Variants in ZNF791 observed in about 807,000 individuals in gnomAD.
ZNF791 encodes the protein zinc finger protein 791.
ZNF791 carries 4 observed loss-of-function variants against 11.5 expected under a neutral mutation model. The observed-to-expected ratio is 0.35, with a 90% CI of 0.17 to 0.80. The LOEUF is 0.80. Among genes scored for constraint, ZNF791 ranks in the 30% least tolerant of loss-of-function variants. ZNF791 has a pLI of 0.53. For missense variants in ZNF791, 559 were observed against 699.4 expected, an observed-to-expected ratio of 0.80 and a Z score of 2.26; for synonymous variants, 212 against 228.1, an observed-to-expected ratio of 0.93 and a Z score of 0.64.
chr19:12,623,624 TG>T, intron 1 of ZNF791, 75 bp from the exon 2 acceptor site: 2 of 1,594,108 alleles, frequency 1.3e-6, no homozygotes, highest in South Asian at 2.3e-5. Flanking sequence ...AAATCGTGTG[TG>T]AATTTCTTAT....
rs748499496 is a variant in ZNF791, at chr19:12,628,847, T to C, written c.1318T>C (p.Tyr440His). The change falls in exon 4 of 4, where the codon TAT (tyrosine) becomes CAT (histidine). Residue 440 changes from tyrosine (Y) to histidine (H), a missense_variant. By Grantham distance (83) the Tyr-to-His change is moderately conservative. Transcript: ENST00000343325. ...HMITHTGDGP[Y>H]KCRDCGKVFI... ...GATCACCCACACTGGAGACGGACCT[T>C]ATAAATGTAGGGACTGTGGGAAGGT... 20 of 1,613,802 alleles carry C rather than the reference T, an allele frequency of 1.2e-5. No homozygotes were observed. The highest frequency in any genetic ancestry group is 2.7e-5 in the African/African-American group (2 of 74,866).
At chr19:12,626,742 C>T (rs1298787754) in intron 3 of ZNF791, among the ~76,000 whole-genome samples, 1 of 151,602 alleles carries the variant, frequency 6.6e-6, no homozygotes, top group African/African-American at 2.4e-5. Flanking sequence ...GTAGCTGGGA[C>T]TACAGGCGCC....
At position 12,618,808 on chromosome 19, in the gene ZNF791, A is replaced by AGTGTGT. The variant is rs60468264; in HGVS notation, c.4-4855_4-4850dup. Among the ~76,000 whole-genome samples, 474 of 143,712 alleles carry AGTGTGT rather than the reference A, an allele frequency of 3.3e-3. 1 individual carries two copies. Among genetic ancestry groups the AGTGTGT allele is most frequent in the East Asian group, 0.013 (60 of 4,610 alleles). The allele number at this position is 143,712 out of a possible 152,430, so 94.3% of individuals were successfully genotyped here. A position where few individuals can be genotyped will look rare whatever the true frequency, so the allele number is the denominator to read the frequency against. ...TTTTGTGGTGATTTGTTTACCTCTC[A>AGTGTGT]GTGTGTGTGTGTGTGTGTGTGTGTG... On this transcript the variant is annotated intron_variant, in intron 1 of 3. Transcript: ENST00000343325.
At chr19:12,624,824 T>C (rs1174542978) in intron 3 of ZNF791, 114 bp downstream of exon 3, 2 of 640,062 alleles carry the variant, frequency 3.1e-6, no homozygotes, top group Non-Finnish European at 5.1e-6. Context: ...CTGAGGTGGG[T>C]GGATCATGAG....
chr19:12,620,751 G>GTTTT (rs2023327234), intron 1 of ZNF791, among the ~76,000 whole-genome samples: 6 of 71,604 alleles, frequency 8.4e-5, no homozygotes, highest in East Asian at 2.9e-4. Flanking sequence ...GGGGATTTAT[G>GTTTT]TTCTTTTTTT....
At chr19:12,623,648 C>T in intron 1 of ZNF791, 52 bp from the exon 2 acceptor site, 1 of 1,609,650 alleles carries the variant, frequency 6.2e-7, no homozygotes, top group Non-Finnish European at 8.5e-7. Flanking sequence ...ATTGAGGATA[C>T]CTCTCATCCT....
At position 12,619,984 on chromosome 19, in the gene ZNF791, C is replaced by T. The variant is rs2023313369; in HGVS notation, c.4-3716C>T. 4.0e-5 allele frequency among the ~76,000 whole-genome samples: 6 copies of T among 150,986 alleles called. No individual in the cohort carries two copies. In the South Asian group the frequency reaches 1.3e-3, roughly 32 times the overall value. ...TGTCGCCCAGGTTGGAGTGCAGTGG[C>T]GCGATCTCGGCTCACTGCAAGCTCC... On this transcript the variant is annotated intron_variant, in intron 1 of 3. Coordinates refer to ENST00000343325, the MANE Select transcript of ZNF791 (RefSeq NM_153358.3).
chr19:12,611,760 A>G (rs1404995018), intron 1 of ZNF791, among the ~76,000 whole-genome samples: 1 of 152,228 alleles, frequency 6.6e-6, no homozygotes, highest in Non-Finnish European at 1.5e-5. Context: ...TCCAGGGCAC[A>G]GACATCCTAT....
Position 12,628,180 on chromosome 19 carries a change from A to G in ZNF791, c.651A>G (p.Glu217=), listed in dbSNP as rs1241972728. 6.2e-7 allele frequency: 1 copy of G among 1,614,020 alleles called. No homozygotes were observed. Among genetic ancestry groups the G allele is most frequent in the African/African-American group, 1.3e-5 (1 of 74,924 alleles). The change falls in exon 4 of 4, where the codon GAA becomes GAG. Residue 217 remains glutamate (E), a synonymous_variant. Transcript: ENST00000343325. ...ERIHTGEKPY[E]CKQCGKAFSC... is the part of the protein sequence containing the mutation. ...TTCACACTGGAGAAAAGCCCTATGA[A>G]TGTAAACAATGTGGGAAAGCCTTCA...
Position 12,630,701 on chromosome 19 carries a change from CAA to C in ZNF791, c.*1442_*1443del, listed in dbSNP as rs2023492662. 6.6e-6 allele frequency: 1 copy of C among 152,028 alleles called. No homozygotes were observed. Among genetic ancestry groups the C allele is most frequent in the Non-Finnish European group, 1.5e-5 (1 of 68,024 alleles). 9.4% of individuals were successfully genotyped at this position (152,028 alleles called of 1,614,324 possible). On this transcript the variant is annotated 3_prime_UTR_variant, in exon 4 of 4. Transcript: ENST00000343325. The stretch of plus-strand genomic sequence containing the variant: ...CGGGACAAAACATGGAGGCAGAAGA[CAA>C]TGATATTGATGATCCTCACCCCGTG...
intron 1 of ZNF791, among the ~76,000 whole-genome samples, chr19:12,613,455 C>T (rs1310784727): frequency 2.0e-5 from 3 of 152,030 alleles, no homozygotes; most frequent in East Asian, 1.9e-4. Context: ...GAGGCGGGCG[C>T]CTGTAGTCCC....
intron 1 of ZNF791, among the ~76,000 whole-genome samples, chr19:12,620,952 G>C (rs2023333458): frequency 6.6e-6 from 1 of 151,708 alleles, no homozygotes; most frequent in African/African-American, 2.4e-5. Context: ...GTAGAGGCAG[G>C]GTTTCTCCAT....
chr19:12,618,245 T>C (rs76895893), intron 1 of ZNF791, among the ~76,000 whole-genome samples: 19 of 152,178 alleles, frequency 1.2e-4, no homozygotes, highest in Non-Finnish European at 2.1e-4. Flanking sequence ...ACAAGTATTG[T>C]ATTTTTAAAT....
At chr19:12,623,848 C>G in intron 2 of ZNF791, 22 bp downstream of exon 2, 3 of 798,942 alleles carry the variant, frequency 3.8e-6, no homozygotes, top group Non-Finnish European at 3.4e-6. Flanking sequence ...ATCATTTTTT[C>G]TTTTTTCTTT....
chr19:12,615,508 C>T (rs566220805), intron 1 of ZNF791, among the ~76,000 whole-genome samples: 30 of 152,174 alleles, frequency 2.0e-4, no homozygotes, highest in African/African-American at 6.7e-4. Flanking sequence ...CGGCCGGGCA[C>T]GATGGCTCAT....
rs766268128 is a variant in ZNF791, at chr19:12,623,685, T to C, written c.4-15T>C. Reference sequence around the variant, plus strand: ...GTCAATCTCACCTATTCTCTACTTATATTGGATGTTTCAGGACTCAGTGGC... The same window carrying C: ...GTCAATCTCACCTATTCTCTACTTACATTGGATGTTTCAGGACTCAGTGGC... On this transcript the variant is annotated splice_polypyrimidine_tract_variant and intron_variant, in intron 1 of 3. Coordinates refer to ENST00000343325, the MANE Select transcript of ZNF791 (RefSeq NM_153358.3). The C allele has an allele frequency of 4.3e-6, 7 of 1,613,808 alleles. No individual in the cohort carries two copies. Among genetic ancestry groups the C allele is most frequent in the African/African-American group, 4.0e-5 (3 of 74,904 alleles).
chr19:12,619,706 C>T (rs536430414), intron 1 of ZNF791, among the ~76,000 whole-genome samples: 49 of 151,816 alleles, frequency 3.2e-4, no homozygotes, highest in Non-Finnish European at 5.7e-4. Flanking sequence ...GCCTCGGCCT[C>T]CCCAAGTGCT....
At position 12,624,672 on chromosome 19, in the gene ZNF791, T is replaced by C. The variant is rs147131448; in HGVS notation, c.153T>C (p.Asn51=). ...TAGGGGAAAAATGGGAAGACCCGAATGTTGAAGATCAACACAAAAACCAAG... is the reference window on the plus strand; with the variant it reads ...TAGGGGAAAAATGGGAAGACCCGAACGTTGAAGATCAACACAAAAACCAAG... ...ASIGEKWEDP[N]VEDQHKNQGR... is the part of the protein sequence containing the mutation. Residue 51 remains asparagine, a synonymous_variant, in exon 3 of 4, where the codon AAT becomes AAC. Coordinates refer to ENST00000343325, the MANE Select transcript of ZNF791 (RefSeq NM_153358.3). 1 of 1,608,096 alleles carries C rather than the reference T, an allele frequency of 6.2e-7. No individual in the cohort carries two copies. The highest frequency in any genetic ancestry group is 1.3e-5 in the African/African-American group (1 of 74,900).
intron 1 of ZNF791, among the ~76,000 whole-genome samples, chr19:12,617,179 G>A (rs2023256245): frequency 6.9e-6 from 1 of 145,174 alleles, no homozygotes; most frequent in African/African-American, 2.6e-5. Flanking sequence ...AGGCTGGAGT[G>A]CAGTGGTGCA....
Sources: gnomAD v4.1 joint callset for allele counts (sites outside exome capture counted in the v4.1 genomes callset) on GRCh38, gnomAD v4.1.1 for gene constraint, MANE v1.5 for transcripts, NCBI Gene and HGNC (gene_info 2026-07-23, HGNC 2026-07-21) for gene names.